Variants in FGF1 observed in about 807,000 individuals in gnomAD.
FGF1 encodes the protein fibroblast growth factor 1.
Under a neutral mutation model 13.4 loss-of-function variants are expected in FGF1, and 9 were observed. The ratio of observed to expected loss-of-function variants is 0.67; its 90% CI spans 0.40 to 1.17. The LOEUF (loss-of-function observed/expected upper bound fraction) is 1.17. Ranked by LOEUF, FGF1 falls within the 50% of genes most tolerant of loss-of-function variation. FGF1 has a pLI of 0.01. For synonymous variants in FGF1, 93 were observed against 79.0 expected (o/e 1.18, Z -0.94); for missense variants, 156 against 192.7 (o/e 0.81, Z 1.13).
At chr5:142,692,514 T>C (rs1174623259) in intron 2 of FGF1, among the ~76,000 whole-genome samples, 2 of 152,104 alleles carry the variant, frequency 1.3e-5, no homozygotes, top group Non-Finnish European at 2.9e-5. Context: ...TTAACAACTA[T>C]CCTGTTGGTT....
At chr5:142,647,607 T>C (rs1274165797) in intron 1 of FGF1, among the ~76,000 whole-genome samples, 6 of 152,218 alleles carry the variant, frequency 3.9e-5, no homozygotes, top group Non-Finnish European at 8.8e-5. Context: ...CAAATCTAAA[T>C]ACTAAATTCA....
At chr5:142,606,896 A>G (rs1757807181) in intron 2 of FGF1, among the ~76,000 whole-genome samples, 1 of 152,178 alleles carries the variant, frequency 6.6e-6, no homozygotes, top group Non-Finnish European at 1.5e-5. Context: ...TTTAGTCTAT[A>G]TCTAGTGCAT....
At chr5:142,607,951 T>C (rs1758050190) in intron 2 of FGF1, among the ~76,000 whole-genome samples, 2 of 152,226 alleles carry the variant, frequency 1.3e-5, no homozygotes, top group Admixed American at 6.5e-5. Context: ...TTTTCTCCTC[T>C]GCTCCCCAAA....
At chr5:142,599,628 C>T (rs1353065511) in intron 3 of FGF1, among the ~76,000 whole-genome samples, 1 of 152,132 alleles carries the variant, frequency 6.6e-6, no homozygotes, top group Non-Finnish European at 1.5e-5. Context: ...CTTCAAAACC[C>T]GCAGTCATTG....
intron 1 of FGF1, among the ~76,000 whole-genome samples, chr5:142,663,748 C>G (rs1281407163): frequency 3.3e-5 from 5 of 152,184 alleles, no homozygotes; most frequent in Non-Finnish European, 7.3e-5. Context: ...AGATTTCCAT[C>G]TTAACATGCA....
upstream of FGF1, among the ~76,000 whole-genome samples, chr5:142,689,694 G>GTTTT (rs5871823): frequency 2.9e-4 from 33 of 115,474 alleles, 1 homozygote; most frequent in East Asian, 5.4e-3. Flanking sequence ...CTCGATCCTA[G>GTTTT]TTTTTTTTTT....
chr5:142,602,169 T>C (rs1348596375), intron 2 of FGF1, among the ~76,000 whole-genome samples: 1 of 149,218 alleles, frequency 6.7e-6, no homozygotes, highest in African/African-American at 2.5e-5. Flanking sequence ...TTTCTTTGTG[T>C]TCTTTTCTTT....
chr5:142,615,234 T>C (rs1282400104), intron 1 of FGF1, among the ~76,000 whole-genome samples: 1 of 151,818 alleles, frequency 6.6e-6, no homozygotes, highest in Non-Finnish European at 1.5e-5. Flanking sequence ...TTTTTTTTTT[T>C]CTCCTGAGAC....
At chr5:142,638,501 A>G (rs1481978174) in intron 1 of FGF1, among the ~76,000 whole-genome samples, 3 of 152,044 alleles carry the variant, frequency 2.0e-5, no homozygotes, top group Non-Finnish European at 2.9e-5. Context: ...CTTAATAAAT[A>G]TGTGTTGACT....
In FGF1 at chr5:142,595,442, C is replaced by T. The variant is rs1202711739; in HGVS notation, c.316G>A (p.Glu106Lys). 6 of 1,613,800 alleles carry T rather than the reference C, an allele frequency of 3.7e-6. No homozygotes were observed. Among genetic ancestry groups the T allele is most frequent in the Non-Finnish European group, 5.1e-6 (6 of 1,179,896 alleles). Residue 106 changes from glutamate (E) to lysine (K), a missense_variant, in exon 4 of 4, where the codon GAG becomes AAG. Physicochemically the swap from Glu to Lys is moderately conservative, Grantham distance 56. Transcript: ENST00000337706. ...EECLFLERLE[E>K]NHYNTYISKK... ...GATATATAGGTGTTGTAATGGTTCT[C>T]CTCCAGCCTTTCCAGGAACAAACAT...
At chr5:142,603,580 A>G (rs1757039819) in intron 2 of FGF1, among the ~76,000 whole-genome samples, 1 of 152,178 alleles carries the variant, frequency 6.6e-6, no homozygotes, top group Non-Finnish European at 1.5e-5. Flanking sequence ...AGCACCTCCT[A>G]CAGTGCCCTG....
chr5:142,647,439 G>A (rs184908196), intron 1 of FGF1, among the ~76,000 whole-genome samples: 2 of 152,272 alleles, frequency 1.3e-5, no homozygotes, highest in East Asian at 3.9e-4. Context: ...CCGCGTTGAG[G>A]TAGTCAGTAC....
chr5:142,629,928 C>T (rs1278031383), intron 1 of FGF1, among the ~76,000 whole-genome samples: 13 of 143,816 alleles, frequency 9.0e-5, no homozygotes, highest in African/African-American at 2.6e-5. Flanking sequence ...GAGTCTCGCT[C>T]TGTTGGCCAG....
intron 2 of FGF1, among the ~76,000 whole-genome samples, chr5:142,610,004 G>A (rs1320402): frequency 0.068 from 10,332 of 152,172 alleles, 419 homozygotes; most frequent in African/African-American, 0.11. Context: ...TGTTGGTGTC[G>A]GATGGTTGTG....
intron 1 of FGF1, among the ~76,000 whole-genome samples, chr5:142,630,985 T>C (rs997112128): frequency 6.6e-6 from 1 of 152,218 alleles, no homozygotes; most frequent in African/African-American, 2.4e-5. Flanking sequence ...AGAAGCCATG[T>C]TTATTCAACA....
chr5:142,668,409 G>A (rs966686559), intron 1 of FGF1, among the ~76,000 whole-genome samples: 5 of 152,220 alleles, frequency 3.3e-5, no homozygotes, highest in Admixed American at 1.3e-4. Flanking sequence ...TTATGTGACC[G>A]TGACTTGTCA....
At position 142,606,216 on chromosome 5, in the gene FGF1, C is replaced by CTGTGTGTGTGTG. The variant is rs1475595559; in HGVS notation, c.170-5412_170-5411insCACACACACACA. On this transcript the variant is annotated intron_variant, in intron 2 of 3. Transcript: ENST00000337706. ...ACAAAATCTGCAACATTCTTTCTCT[C>CTGTGTGTGTGTG]TCTGTGTGTGTGTGTGTGTGTGTGT... Among the ~76,000 whole-genome samples, 32 of 73,600 alleles carry CTGTGTGTGTGTG rather than the reference C, an allele frequency of 4.3e-4. 1 individual carries two copies. In the East Asian group the frequency reaches 0.014, roughly 31 times the overall value. The allele number at this position is 73,600 out of a possible 152,430, so 48.3% of individuals were successfully genotyped here.
chr5:142,632,637 T>C (rs1763545399), intron 1 of FGF1, among the ~76,000 whole-genome samples: 1 of 152,234 alleles, frequency 6.6e-6, no homozygotes, highest in Non-Finnish European at 1.5e-5. Context: ...TTTCTGTTCA[T>C]AGAGATGTAA....
At chr5:142,612,433 A>G (rs918728186) in intron 2 of FGF1, among the ~76,000 whole-genome samples, 1 of 152,152 alleles carries the variant, frequency 6.6e-6, no homozygotes, top group Admixed American at 6.5e-5. Flanking sequence ...AGCATTCCCT[A>G]CTTTTTCAGA....
Sources: gnomAD v4.1 joint callset for allele counts (sites outside exome capture counted in the v4.1 genomes callset) on GRCh38, gnomAD v4.1.1 for gene constraint, MANE v1.5 for transcripts, NCBI Gene and HGNC (gene_info 2026-07-23, HGNC 2026-07-21) for gene names.